Variants in ACBD6 observed in about 807,000 individuals in gnomAD.
The protein encoded by ACBD6 is acyl-CoA-binding domain-containing protein 6.
Under a neutral mutation model 37.2 loss-of-function variants are expected in ACBD6, and 28 were observed. The observed-to-expected ratio is 0.75, with a 90% CI of 0.56 to 1.03. The LOEUF (loss-of-function observed/expected upper bound fraction) is 1.03, where lower values mean the gene tolerates loss of function less well. Among genes scored for constraint, ACBD6 ranks in the 50% least tolerant of loss-of-function variants. The pLI is 0.00. For missense variants in ACBD6, 340 were observed against 337.4 expected (o/e 1.01, Z -0.06); for synonymous variants, 113 against 126.8 (o/e 0.89, Z 0.73).
chr1:180,349,199 T>G (rs1363946785), intron 6 of ACBD6, among the ~76,000 whole-genome samples: 2 of 151,868 alleles, frequency 1.3e-5, no homozygotes, highest in African/African-American at 2.4e-5. Context: ...TCAGGGGCCA[T>G]GCTAATCTTC....
At chr1:180,333,465 G>C (rs1232238899) in intron 6 of ACBD6, among the ~76,000 whole-genome samples, 1 of 151,698 alleles carries the variant, frequency 6.6e-6, no homozygotes, top group African/African-American at 2.4e-5. Flanking sequence ...TCATAGACCT[G>C]CTGCACTCAA....
intron 6 of ACBD6, among the ~76,000 whole-genome samples, chr1:180,377,520 G>A (rs1479335595): frequency 6.6e-6 from 1 of 152,114 alleles, no homozygotes; most frequent in African/African-American, 2.4e-5. Flanking sequence ...TAGAATCGGG[G>A]GAAATAGCCA....
intron 6 of ACBD6, among the ~76,000 whole-genome samples, chr1:180,342,052 G>A (rs757244958): frequency 3.9e-5 from 6 of 152,160 alleles, no homozygotes; most frequent in African/African-American, 7.2e-5. Context: ...TTTGTGTTCA[G>A]ATGCTGTGGG....
chr1:180,311,461 A>AG (rs1650591516), intron 7 of ACBD6, among the ~76,000 whole-genome samples: 1 of 152,156 alleles, frequency 6.6e-6, no homozygotes, highest in Non-Finnish European at 1.5e-5. Context: ...TTTTTGAGAC[A>AG]GGGTCTTACT....
intron 5 of ACBD6, among the ~76,000 whole-genome samples, chr1:180,408,878 C>T (rs1647736378): frequency 6.6e-6 from 1 of 152,086 alleles, no homozygotes; most frequent in East Asian, 1.9e-4. Flanking sequence ...GAAGTCTGGC[C>T]GGGTGCAGTG....
intron 6 of ACBD6, among the ~76,000 whole-genome samples, chr1:180,385,624 A>AAG (rs747565627): frequency 2.6e-5 from 4 of 151,838 alleles, no homozygotes; most frequent in African/African-American, 4.8e-5. Context: ...CCCTTACAAG[A>AAG]AGAGAGAGAG....
chr1:180,271,414 C>T (rs183432227), exon 14 of ACBD6: 3 of 1,614,168 alleles, frequency 1.9e-6, no homozygotes, highest in African/African-American at 2.7e-5. Flanking sequence ...GGCCCCGGAC[C>T]ACCATCACAG....
intron 4 of ACBD6, among the ~76,000 whole-genome samples, chr1:180,414,256 T>C (rs1168679661): frequency 1.3e-5 from 2 of 152,344 alleles, no homozygotes; most frequent in East Asian, 3.9e-4. Context: ...TAATTTAGAA[T>C]ATCAACAATC....
chr1:180,271,417 C>T (rs774896638), exon 14 of ACBD6: 3 of 1,614,150 alleles, frequency 1.9e-6, no homozygotes, highest in Non-Finnish European at 2.5e-6. Context: ...CCCGGACCAC[C>T]ATCACAGCCA....
chr1:180,313,646 T>C (rs998315201), intron 7 of ACBD6, among the ~76,000 whole-genome samples: 3 of 152,226 alleles, frequency 2.0e-5, no homozygotes, highest in African/African-American at 4.8e-5. Context: ...GGTTGATCCA[T>C]AATGTGGTGT....
intron 6 of ACBD6, among the ~76,000 whole-genome samples, chr1:180,352,348 A>G (rs1652450934): frequency 6.6e-6 from 1 of 151,982 alleles, no homozygotes. Context: ...GGCTCAAGTG[A>G]TCTTCCTGCC....
intron 1 of ACBD6, among the ~76,000 whole-genome samples, chr1:180,500,694 CAAAAAA>C (rs370791531): frequency 2.1e-4 from 20 of 94,956 alleles, no homozygotes; most frequent in Non-Finnish European, 2.9e-4. Context: ...AACTCCATCT[CAAAAAA>C]AAAAAAAAAA....
intron 7 of ACBD6, among the ~76,000 whole-genome samples, chr1:180,301,447 C>T (rs866587708): frequency 6.6e-6 from 1 of 152,062 alleles, no homozygotes; most frequent in Admixed American, 6.6e-5. Context: ...ATAGAAAATG[C>T]TATTAAGAAA....
intron 1 of ACBD6, 121 bp from the exon 2 acceptor site, chr1:180,495,646 G>A: frequency 2.7e-5 from 19 of 696,268 alleles, no homozygotes; most frequent in Non-Finnish European, 3.1e-5. Flanking sequence ...GCATCTATAT[G>A]GAATAGCAAA....
At chr1:180,370,657 T>C (rs1007020720) in intron 6 of ACBD6, among the ~76,000 whole-genome samples, 1 of 152,168 alleles carries the variant, frequency 6.6e-6, no homozygotes, top group Non-Finnish European at 1.5e-5. Context: ...CCAACAGTTC[T>C]GTATTATGGA....
At chr1:180,355,267 G>A (rs1652578291) in intron 6 of ACBD6, among the ~76,000 whole-genome samples, 1 of 152,168 alleles carries the variant, frequency 6.6e-6, no homozygotes, top group Admixed American at 6.5e-5. Flanking sequence ...AACTTAGAAG[G>A]TCTCTGGCTC....
intron 6 of ACBD6, among the ~76,000 whole-genome samples, chr1:180,355,528 T>C (rs994891482): frequency 7.2e-5 from 11 of 152,214 alleles, no homozygotes; most frequent in African/African-American, 2.7e-4. Flanking sequence ...TCATTATTTT[T>C]TTGCCCATAG....
chr1:180,270,776 T>A (rs750495241), exon 14 of ACBD6: 1 of 158,372 alleles, frequency 6.3e-6, no homozygotes, highest in Non-Finnish European at 1.4e-5. Context: ...CTTCATCTGA[T>A]TTCCTGTTTT....
rs188301326 is a variant in ACBD6, at chr1:180,353,029, G to A, written c.664-38307C>T. ...CTCAGTAAAGTCTTACCTGATCACT[G>A]TTTAAAGTAACCACCACTATTTTAT... On this transcript the variant is annotated intron_variant, in intron 6 of 7. Coordinates refer to ENST00000367595, the MANE Select transcript of ACBD6 (RefSeq NM_032360.4). 1.4e-3 allele frequency among the ~76,000 whole-genome samples: 219 copies of A among 152,286 alleles called. 1 individual carries two copies. The highest frequency in any genetic ancestry group is 0.01 in the Middle Eastern group (3 of 294).
Sources: gnomAD v4.1 joint callset for allele counts (sites outside exome capture counted in the v4.1 genomes callset) on GRCh38, gnomAD v4.1.1 for gene constraint, MANE v1.5 for transcripts, NCBI Gene and HGNC (gene_info 2026-07-23, HGNC 2026-07-21) for gene names.